The following KAT7 variants were observed in gnomAD, a reference collection of about 807,000 sequenced individuals.
KAT7 encodes histone acetyltransferase KAT7.
A neutral mutation model predicts 82.1 loss-of-function variants in KAT7; 10 were observed. The ratio of observed to expected loss-of-function variants is 0.12; its 90% CI spans 0.08 to 0.21. KAT7 has a LOEUF of 0.21. KAT7 is among the 10% of genes least tolerant of loss of function. The pLI, the probability that KAT7 is intolerant of heterozygous loss-of-function variation, is 1.00. For missense variants in KAT7, 378 were observed against 760.9 expected, an observed-to-expected ratio of 0.50 and a Z score of 5.92; for synonymous variants, 250 against 262.5, an observed-to-expected ratio of 0.95 and a Z score of 0.46.
Position 49,833,978 on chromosome 17 carries a change from T to C in KAT7, c.*6476T>C, listed in dbSNP as rs1419691215. The C allele has an allele frequency of 2.6e-5, 4 of 152,172 alleles. No individual in the cohort carries two copies. Among genetic ancestry groups the C allele is most frequent in the Non-Finnish European group, 5.9e-5 (4 of 68,022 alleles). The allele number at this position is 152,172 out of a possible 1,614,324, so 9.4% of individuals were successfully genotyped here. On this transcript the variant is annotated 3_prime_UTR_variant, in exon 15 of 15. Transcript: ENST00000259021. ...TTGTGCAATTCCAGGGGACACTGTTTATGTTCCGTGTAAATGGCAGCCTCA... is the reference window on the plus strand; with the variant it reads ...TTGTGCAATTCCAGGGGACACTGTTCATGTTCCGTGTAAATGGCAGCCTCA...
intron 3 of KAT7, among the ~76,000 whole-genome samples, chr17:49,798,073 C>A (rs2073978926): frequency 6.6e-6 from 1 of 152,186 alleles, no homozygotes; most frequent in Admixed American, 6.5e-5. Context: ...ATTAGCAACT[C>A]AGGAGAAATA....
chr17:49,829,827 T>C lies in KAT7; in HGVS notation c.*2325T>C, dbSNP rs1278397235. On this transcript the variant is annotated 3_prime_UTR_variant, in exon 15 of 15. Transcript: ENST00000259021. ...TATCTCATTTAAACCCCCACAGGTG[T>C]GGAAACAGAGTTTCACTTGCCTTGG... 6.6e-6 allele frequency: 1 copy of C among 151,970 alleles called. No individual in the cohort carries two copies. Among genetic ancestry groups the C allele is most frequent in the Non-Finnish European group, 1.5e-5 (1 of 68,018 alleles). 9.4% of individuals were successfully genotyped at this position (151,970 alleles called of 1,614,324 possible).
In KAT7 at chr17:49,796,823, T is replaced by C. The variant is rs1303509587; in HGVS notation, c.237T>C (p.Arg79=). The C allele has an allele frequency of 1.2e-6, 2 of 1,613,992 alleles. No individual in the cohort carries two copies. Among genetic ancestry groups the C allele is most frequent in the Non-Finnish European group, 1.7e-6 (2 of 1,179,996 alleles). The change falls in exon 3 of 15, where the codon CGT becomes CGC. Residue 79 remains arginine, a synonymous_variant. Coordinates refer to ENST00000259021, the MANE Select transcript of KAT7 (RefSeq NM_007067.5). The part of the protein sequence containing the change: ...EPAYSTRRVT[R]SQQQPTPVTP... ...CTTACTCTACCAGAAGAGTGACCCG[T>C]AGTCAGCAGCAGCCTACCCCAGTGA...
chr17:49,789,055 C>G (rs1179296250), intron 1 of KAT7: 10 of 426,342 alleles, frequency 2.3e-5, no homozygotes, highest in African/African-American at 2.1e-4. Context: ...TTCCCGCCCT[C>G]TGCTTGCCTG....
At position 49,826,803 on chromosome 17, in the gene KAT7, A is replaced by ACC. The variant is rs1454599402; in HGVS notation, c.1734+4_1734+5insCC. On this transcript the variant is annotated splice_donor_region_variant and intron_variant, in intron 14 of 14. Transcript: ENST00000259021. Reference sequence around the variant, plus strand: ...ACACCTAGTTTTAAAGAGACAGGTAAGGTTCTCATCAGGGGCTTGCTCATT... The same window carrying ACC: ...ACACCTAGTTTTAAAGAGACAGGTAACCGGTTCTCATCAGGGGCTTGCTCATT... The ACC allele has an allele frequency of 1.3e-6, 2 of 1,582,874 alleles. No individual in the cohort carries two copies. The highest frequency in any genetic ancestry group is 1.7e-6 in the Non-Finnish European group (2 of 1,152,300).
At chr17:49,803,907 A>G (rs892554659) in intron 4 of KAT7, among the ~76,000 whole-genome samples, 1 of 106,298 alleles carries the variant, frequency 9.4e-6, no homozygotes, top group Non-Finnish European at 2.0e-5. Context: ...TTTTTTTTTT[A>G]TGAAAGATGA....
intron 2 of KAT7, among the ~76,000 whole-genome samples, chr17:49,794,447 G>A (rs1225547173): frequency 1.2e-4 from 18 of 152,084 alleles, no homozygotes; most frequent in Admixed American, 1.2e-3. Context: ...CACCATACCT[G>A]GCTATTTTTT....
At chr17:49,799,686 A>G (rs375328093) in intron 4 of KAT7, among the ~76,000 whole-genome samples, 2 of 151,728 alleles carry the variant, frequency 1.3e-5, no homozygotes, top group Non-Finnish European at 2.9e-5. Context: ...ATAGAGAGAC[A>G]GGGGTCTCAC....
At chr17:49,791,662 CTTCA>C (rs2073891504) in intron 1 of KAT7, among the ~76,000 whole-genome samples, 1 of 152,060 alleles carries the variant, frequency 6.6e-6, no homozygotes, top group African/African-American at 2.4e-5. Context: ...AACGGAAGCT[CTTCA>C]TTTATTTAAC....
At chr17:49,802,629 G>A (rs1598061062) in intron 4 of KAT7, among the ~76,000 whole-genome samples, 4 of 150,378 alleles carry the variant, frequency 2.7e-5, no homozygotes, top group East Asian at 3.9e-4. Flanking sequence ...ATTGGCCATT[G>A]CACTCCAGCC....
chr17:49,799,330 G>A (rs1349437036), intron 4 of KAT7, among the ~76,000 whole-genome samples: 1 of 152,188 alleles, frequency 6.6e-6, no homozygotes, highest in Non-Finnish European at 1.5e-5. Flanking sequence ...CCGTAGAACA[G>A]AGTAAATTGC....
chr17:49,833,146 T>G lies in KAT7; in HGVS notation c.*5644T>G, dbSNP rs2074437884. 6.6e-6 allele frequency: 1 copy of G among 152,212 alleles called. No individual in the cohort carries two copies. The highest frequency in any genetic ancestry group is 6.5e-5 in the Admixed American group (1 of 15,278). 9.4% of individuals were successfully genotyped at this position (152,212 alleles called of 1,614,324 possible). A position where few individuals can be genotyped will look rare whatever the true frequency, so the allele number is the denominator to read the frequency against. Reference sequence around the variant, plus strand: ...TAAGTCCAGGTCATGTTGTTACCATTTGGGGGTTTGCGGATTTGTTTACTT... The same window carrying G: ...TAAGTCCAGGTCATGTTGTTACCATGTGGGGGTTTGCGGATTTGTTTACTT... On this transcript the variant is annotated 3_prime_UTR_variant, in exon 15 of 15. Transcript: ENST00000259021.
intron 2 of KAT7, among the ~76,000 whole-genome samples, chr17:49,794,049 A>G (rs763325175): frequency 1.3e-5 from 2 of 152,138 alleles, no homozygotes; most frequent in Non-Finnish European, 2.9e-5. Flanking sequence ...TTTTACCACA[A>G]TGAGACTATG....
intron 4 of KAT7, among the ~76,000 whole-genome samples, chr17:49,804,967 A>T (rs964148445): frequency 2.0e-5 from 3 of 152,226 alleles, no homozygotes; most frequent in African/African-American, 7.2e-5. Context: ...ATTGCACAGT[A>T]GAAAGAAAAG....
intron 2 of KAT7, 66 bp downstream of exon 2, chr17:49,792,099 TC>T (rs2073897687): frequency 6.6e-7 from 1 of 1,511,242 alleles, no homozygotes; most frequent in Non-Finnish European, 9.1e-7. Flanking sequence ...CACATTATTT[TC>T]CTAGTTAATG....
At chr17:49,795,967 ATG>A (rs1212006205) in intron 2 of KAT7, among the ~76,000 whole-genome samples, 1 of 148,680 alleles carries the variant, frequency 6.7e-6, no homozygotes, top group Admixed American at 6.8e-5. Flanking sequence ...ATGATTAAAC[ATG>A]TCTCTTTATA....
Position 49,833,678 on chromosome 17 carries a change from T to G in KAT7, c.*6176T>G, listed in dbSNP as rs1460710403. 2 of 152,230 alleles carry G rather than the reference T, an allele frequency of 1.3e-5. No homozygotes were observed. Among genetic ancestry groups the G allele is most frequent in the African/African-American group, 4.8e-5 (2 of 41,458 alleles). 9.4% of individuals were successfully genotyped at this position (152,230 alleles called of 1,614,324 possible). A position where few individuals can be genotyped will look rare whatever the true frequency, so the allele number is the denominator to read the frequency against. ...TAGTCACAGCACTAAAAGCCCAGAC[T>G]TGTGTCTCTTGAAGGTTTCAACCCC... On this transcript the variant is annotated 3_prime_UTR_variant, in exon 15 of 15. Coordinates refer to ENST00000259021, the MANE Select transcript of KAT7 (RefSeq NM_007067.5).
chr17:49,796,146 G>T (rs1394641924), intron 2 of KAT7, among the ~76,000 whole-genome samples: 2 of 152,134 alleles, frequency 1.3e-5, no homozygotes, highest in East Asian at 3.8e-4. Flanking sequence ...TTAAAATGCT[G>T]CATTCCTGCT....
At chr17:49,825,420 T>C (rs1242076573) in intron 12 of KAT7, among the ~76,000 whole-genome samples, 1 of 152,188 alleles carries the variant, frequency 6.6e-6, no homozygotes, top group Non-Finnish European at 1.5e-5. Context: ...AGAGATTCAT[T>C]ATCAAAATAA....
Sources: gnomAD v4.1 joint callset for allele counts (sites outside exome capture counted in the v4.1 genomes callset) on GRCh38, gnomAD v4.1.1 for gene constraint, MANE v1.5 for transcripts, NCBI Gene and HGNC (gene_info 2026-07-23, HGNC 2026-07-21) for gene names.